Variants in LMLN observed in about 807,000 individuals in gnomAD.
LMLN encodes the protein leishmanolysin-like peptidase.
In LMLN, 70 loss-of-function variants were observed where a neutral mutation model predicts 92.3. The observed-to-expected ratio is 0.76, with a 90% CI of 0.63 to 0.92. LMLN has a LOEUF of 0.92. Among genes scored for constraint, LMLN ranks in the 40% least tolerant of loss-of-function variants. The probability of loss-of-function intolerance (pLI) is 0.00; values close to 1 mark genes in which losing one functional copy is unlikely to be tolerated. For missense variants in LMLN, 691 were observed against 814.6 expected (o/e 0.85, Z 1.85); for synonymous variants, 308 against 296.2 (o/e 1.04, Z -0.41).
chr3:198,035,777 A>G lies in LMLN; in HGVS notation c.1657-56A>G, dbSNP rs565997795. On this transcript the variant is annotated intron_variant, in intron 14 of 15. Coordinates refer to ENST00000330198, the Ensembl canonical transcript of LMLN. ...GTAGTTGAAGGAGAAATCTCTTAGA[A>G]TCTTACTGACCTGATATTTATTATT... 32 of 1,316,382 alleles carry G rather than the reference A, an allele frequency of 2.4e-5. No homozygotes were observed. In the African/African-American group the frequency reaches 4.8e-4, roughly 20 times the overall value. The allele number at this position is 1,316,382 out of a possible 1,614,324, so 81.5% of individuals were successfully genotyped here. A position where few individuals can be genotyped will look rare whatever the true frequency, so the allele number is the denominator to read the frequency against.
Position 198,042,100 on chromosome 3 carries a change from G to T in LMLN, c.*3433G>T, listed in dbSNP as rs1723422466. The T allele has an allele frequency of 1.3e-5, 2 of 152,138 alleles. 1 individual carries two copies. Among genetic ancestry groups the T allele is most frequent in the South Asian group, 4.2e-4 (2 of 4,814 alleles). The allele number at this position is 152,138 out of a possible 1,614,324, so 9.4% of individuals were successfully genotyped here. On this transcript the variant is annotated 3_prime_UTR_variant, in exon 16 of 16. Transcript: ENST00000330198. This position sits in a 1 kb window ranked among gnomAD's most constrained non-coding sequence, Gnocchi z 4.2. ...GTCTTGAGTTCCTCAGGGTAACTGT[G>T]TTGATGTCTCCCGTCCTCTTCAGTA...
Position 197,960,305 on chromosome 3 carries a change from G to T in LMLN, c.84G>T (p.Arg28=), listed in dbSNP as rs756270649. The T allele has an allele frequency of 1.7e-5, 27 of 1,613,790 alleles. No homozygotes were observed. In the East Asian group the frequency reaches 6.0e-4, roughly 36 times the overall value. ...CGGGCTCAGGCCCGGGCCGGAGCCG[G>T]TGGCGCTGGAGCGGGTCTGTGTGGG... Residue 28 remains arginine (R), a synonymous_variant, in exon 1 of 16, where the codon CGG becomes CGT. Transcript: ENST00000330198.
At chr3:197,992,445 A>T (rs1721902135) in intron 9 of LMLN, among the ~76,000 whole-genome samples, 1 of 152,208 alleles carries the variant, frequency 6.6e-6, no homozygotes, top group Non-Finnish European at 1.5e-5. Context: ...TAAGAAATGA[A>T]AGAGGAGACA....
At chr3:198,003,068 T>C (rs1722219142) in intron 11 of LMLN, 1 of 1,551,626 alleles carries the variant, frequency 6.4e-7, no homozygotes, top group Non-Finnish European at 8.7e-7. Flanking sequence ...GGCCGAGGAA[T>C]GGGCTGTGAC....
intron 14 of LMLN, among the ~76,000 whole-genome samples, chr3:198,032,618 G>A (rs1023362262): frequency 6.6e-6 from 1 of 152,166 alleles, no homozygotes; most frequent in African/African-American, 2.4e-5. Flanking sequence ...AAGGCAGAGT[G>A]GGGGCAGGCT....
chr3:198,032,467 G>T (rs79981256), intron 14 of LMLN, among the ~76,000 whole-genome samples: 1 of 152,220 alleles, frequency 6.6e-6, no homozygotes, highest in African/African-American at 2.4e-5. Context: ...TCCATTTTGC[G>T]TTGCTGTAAA....
chr3:198,018,732 G>A (rs146210074), intron 11 of LMLN, among the ~76,000 whole-genome samples: 241 of 152,202 alleles, frequency 1.6e-3, no homozygotes, highest in African/African-American at 5.5e-3. Context: ...AGTATTAATA[G>A]GATTTCTATT....
intron 14 of LMLN, among the ~76,000 whole-genome samples, chr3:198,026,463 A>G (rs1722934381): frequency 6.6e-6 from 1 of 151,938 alleles, no homozygotes; most frequent in Admixed American, 6.6e-5. Context: ...AATCACAGGC[A>G]TGCGCCACCA....
rs533882232 is a variant in LMLN, at chr3:198,009,882, T to C, written c.1233-9371T>C. 6.6e-5 allele frequency among the ~76,000 whole-genome samples: 10 copies of C among 152,306 alleles called. 1 individual carries two copies. Among genetic ancestry groups the C allele is most frequent in the African/African-American group, 1.9e-4 (8 of 41,568 alleles). On this transcript the variant is annotated intron_variant, in intron 11 of 15. Coordinates refer to ENST00000330198, the Ensembl canonical transcript of LMLN. ...TAATGGGGTAAATGAGATATTTTGATATAGGCATACACTGTGAAATAATCT... is the reference window on the plus strand; with the variant it reads ...TAATGGGGTAAATGAGATATTTTGACATAGGCATACACTGTGAAATAATCT...
rs1723077602 is a variant in LMLN at position 198,031,506 on chromosome 3, T to C, written c.1657-4327T>C. Among the ~76,000 whole-genome samples the C allele has an allele frequency of 6.6e-6, 1 of 152,182 alleles. No homozygotes were observed. Reference sequence around the variant, plus strand: ...GGTGGCGTGTTCTGCCGTCCTTCAATAGCTTGGGTGGGTATAGCTTTATTT... The same window carrying C: ...GGTGGCGTGTTCTGCCGTCCTTCAACAGCTTGGGTGGGTATAGCTTTATTT... On this transcript the variant is annotated intron_variant, in intron 14 of 15. Coordinates refer to ENST00000330198, the Ensembl canonical transcript of LMLN. This position sits in a 1 kb window ranked among gnomAD's most constrained non-coding sequence, Gnocchi z 4.8.
intron 6 of LMLN, among the ~76,000 whole-genome samples, chr3:197,982,407 G>T (rs572698013): frequency 2.0e-5 from 3 of 151,480 alleles, no homozygotes; most frequent in African/African-American, 7.3e-5. Flanking sequence ...TGTATTTTTA[G>T]TAGAGACAAG....
At chr3:197,969,580 T>C (rs1308605628) in intron 1 of LMLN, among the ~76,000 whole-genome samples, 1 of 152,196 alleles carries the variant, frequency 6.6e-6, no homozygotes, top group African/African-American at 2.4e-5. Context: ...GCATCCTTTT[T>C]ACCAGTTCTT....
chr3:198,039,626 A>G (rs1466229116), exon 16 of LMLN: 1 of 147,864 alleles, frequency 6.8e-6, no homozygotes, highest in African/African-American at 2.6e-5. Flanking sequence ...AATGGCTGGT[A>G]TATAGTAAAC....
chr3:198,035,907 C>G (rs1316516354), exon 15 of LMLN: 1 of 1,613,910 alleles, frequency 6.2e-7, no homozygotes, highest in East Asian at 2.2e-5. Context: ...CTGGGCAGGT[C>G]CTCCCTGTCA....
chr3:197,969,237 A>G (rs79914941), intron 1 of LMLN, among the ~76,000 whole-genome samples: 10,148 of 151,974 alleles, frequency 0.067, 412 homozygotes, highest in African/African-American at 0.11. Flanking sequence ...ATGAGCCACC[A>G]TGCCAGCCTT....
intron 11 of LMLN, 43 bp downstream of exon 12, chr3:198,003,168 C>CT: frequency 8.8e-7 from 1 of 1,137,546 alleles, no homozygotes; most frequent in East Asian, 2.6e-5. Flanking sequence ...TACACAGTTC[C>CT]TTTCTGACTT....
At position 197,990,547 on chromosome 3, in the gene LMLN, C is replaced by T; in HGVS notation, c.930-12C>T. 1 of 1,142,582 alleles carries T rather than the reference C, an allele frequency of 8.8e-7. No homozygotes were observed. Among genetic ancestry groups the T allele is most frequent in the South Asian group, 1.3e-5 (1 of 75,856 alleles). The allele number at this position is 1,142,582 out of a possible 1,614,324, so 70.8% of individuals were successfully genotyped here. ...TTTCAGTAATAATTGTGTTTTAATTCTATAATTACAGTCTGGGATTATATC... is the reference window on the plus strand; with the variant it reads ...TTTCAGTAATAATTGTGTTTTAATTTTATAATTACAGTCTGGGATTATATC... On this transcript the variant is annotated splice_polypyrimidine_tract_variant and intron_variant, in intron 8 of 15. Transcript: ENST00000330198.
intron 11 of LMLN, among the ~76,000 whole-genome samples, chr3:198,001,635 A>C (rs529902785): frequency 5.3e-5 from 8 of 152,320 alleles, no homozygotes; most frequent in African/African-American, 1.9e-4. Context: ...CAGAAGTTGC[A>C]GGCATTTTGG....
At chr3:198,020,768 A>ATTGTTT (rs1722756549) in intron 12 of LMLN, among the ~76,000 whole-genome samples, 385 of 32,846 alleles carry the variant, frequency 0.012, 31 homozygotes, top group Middle Eastern at 0.056. Context: ...TAATTTTTGT[A>ATTGTTT]TTTTTTTTTT....
Sources: gnomAD v4.1 joint callset for allele counts (sites outside exome capture counted in the v4.1 genomes callset) on GRCh38, gnomAD v4.1.1 for gene constraint, Gnocchi (gnomAD v3.1) non-coding constraint, MANE v1.5 for transcripts, NCBI Gene and HGNC (gene_info 2026-07-23, HGNC 2026-07-21) for gene names.